Variants in STPG2 observed in about 807,000 individuals in gnomAD.
STPG2 encodes the protein sperm-tail PG-rich repeat-containing protein 2.
A neutral mutation model predicts 54.2 loss-of-function variants in STPG2; 56 were observed. The observed-to-expected ratio is 1.03, with a 90% CI of 0.83 to 1.29. The LOEUF is 1.29. STPG2 is among the 50% of genes most tolerant of loss of function. The probability of loss-of-function intolerance (pLI) is 0.00; values close to 1 mark genes in which losing one functional copy is unlikely to be tolerated. For missense variants in STPG2, 596 were observed against 544.9 expected (o/e 1.09, Z -0.93); for synonymous variants, 200 against 181.8 (o/e 1.10, Z -0.81).
chr4:98,023,589 G>A (rs1176079229), intron 5 of STPG2, among the ~76,000 whole-genome samples: 1 of 152,190 alleles, frequency 6.6e-6, no homozygotes, highest in African/African-American at 2.4e-5. Context: ...AGTCTGCAGA[G>A]GTTACTGCTG....
intron 4 of STPG2, among the ~76,000 whole-genome samples, chr4:97,520,882 G>A (rs114098917): frequency 6.6e-6 from 1 of 151,802 alleles, no homozygotes; most frequent in South Asian, 2.1e-4. Flanking sequence ...GAGTTTGGGG[G>A]TTTTTTTGGT....
At chr4:97,662,860 G>C (rs534077955) in intron 10 of STPG2, among the ~76,000 whole-genome samples, 1 of 151,876 alleles carries the variant, frequency 6.6e-6, no homozygotes, top group South Asian at 2.1e-4. Flanking sequence ...TGGGTGACAG[G>C]ATCTGTACCC....
chr4:97,527,816 C>T (rs1312284405), intron 4 of STPG2, among the ~76,000 whole-genome samples: 1 of 152,140 alleles, frequency 6.6e-6, no homozygotes, highest in African/African-American at 2.4e-5. Flanking sequence ...AGTGTCTGTT[C>T]ATATCCTTCG....
chr4:97,822,085 G>A (rs1444612853), intron 9 of STPG2, among the ~76,000 whole-genome samples: 2 of 152,140 alleles, frequency 1.3e-5, no homozygotes, highest in African/African-American at 4.8e-5. Context: ...TTTATGCTCA[G>A]CTTCCCCTTT....
At chr4:98,134,312 T>C (rs774996414) in intron 2 of STPG2, 35 bp downstream of exon 2, 1 of 1,314,452 alleles carries the variant, frequency 7.6e-7, no homozygotes, top group Non-Finnish European at 1.0e-6. Flanking sequence ...GAAAACATGG[T>C]TTTATTAAGT....
intron 10 of STPG2, among the ~76,000 whole-genome samples, chr4:97,624,695 C>T (rs542476192): frequency 7.9e-5 from 12 of 152,228 alleles, no homozygotes; most frequent in Admixed American, 2.6e-4. Flanking sequence ...AATCTTTGCA[C>T]GTGCCAATGT....
intron 8 of STPG2, among the ~76,000 whole-genome samples, chr4:97,883,742 C>T (rs1730462806): frequency 6.6e-6 from 1 of 152,068 alleles, no homozygotes; most frequent in Non-Finnish European, 1.5e-5. Context: ...TAGACAGAAT[C>T]CAAGAGCTGG....
At chr4:97,824,132 T>C (rs933624083) in intron 9 of STPG2, among the ~76,000 whole-genome samples, 3 of 152,080 alleles carry the variant, frequency 2.0e-5, no homozygotes, top group African/African-American at 7.2e-5. Flanking sequence ...AAGGGGAAAT[T>C]TGAGAGTTGA....
intron 8 of STPG2, among the ~76,000 whole-genome samples, chr4:97,865,487 G>C (rs527493700): frequency 1.3e-5 from 2 of 152,278 alleles, no homozygotes; most frequent in South Asian, 4.1e-4. Flanking sequence ...TACACTGTTG[G>C]TGGGACTGTA....
intron 10 of STPG2, among the ~76,000 whole-genome samples, chr4:97,664,703 A>G (rs1722469191): frequency 6.6e-6 from 1 of 152,058 alleles, no homozygotes; most frequent in African/African-American, 2.4e-5. Context: ...TTACCTCAGT[A>G]TCTCCTATGA....
At chr4:97,615,099 G>A (rs933323151) in intron 10 of STPG2, among the ~76,000 whole-genome samples, 2 of 152,130 alleles carry the variant, frequency 1.3e-5, no homozygotes, top group Non-Finnish European at 1.5e-5. Flanking sequence ...AGCATTAATG[G>A]TTTCACCATT....
At chr4:97,670,152 T>C (rs1196452925) in intron 10 of STPG2, among the ~76,000 whole-genome samples, 1 of 152,144 alleles carries the variant, frequency 6.6e-6, no homozygotes, top group East Asian at 1.9e-4. Flanking sequence ...AGTTTCAATC[T>C]TAAGGATTCA....
chr4:98,022,500 A>T (rs1484387915), intron 5 of STPG2, among the ~76,000 whole-genome samples: 1 of 151,396 alleles, frequency 6.6e-6, no homozygotes, highest in African/African-American at 2.4e-5. Flanking sequence ...TGTGTCTTGG[A>T]GTTGCTCTTC....
At position 97,616,092 on chromosome 4, in the gene STPG2, A is replaced by ATATATATATATATATG. The variant is rs764342142; in HGVS notation, c.1321-56976_1321-56975insCATATATATATATATA. 8.3e-3 allele frequency among the ~76,000 whole-genome samples: 520 copies of ATATATATATATATATG among 62,880 alleles called. 4 individuals are homozygous for ATATATATATATATATG. The highest frequency in any genetic ancestry group is 0.013 in the Non-Finnish European group (374 of 28,236). The allele number at this position is 62,880 out of a possible 152,430, so 41.3% of individuals were successfully genotyped here. A position where few individuals can be genotyped will look rare whatever the true frequency, so the allele number is the denominator to read the frequency against. ...TATATATATATATATATATATATATATATGTATGTATATTTAATAGTAAGA... is the reference window on the plus strand; with the variant it reads ...TATATATATATATATATATATATATATATATATATATATATGTATGTATGTATATTTAATAGTAAGA... On this transcript the variant is annotated intron_variant, in intron 10 of 10. Transcript: ENST00000295268.
chr4:97,500,588 A>G (rs1350063669), intron 4 of STPG2, among the ~76,000 whole-genome samples: 2 of 152,096 alleles, frequency 1.3e-5, no homozygotes, highest in Non-Finnish European at 2.9e-5. Context: ...AGAGCATTAC[A>G]GCTTTAATAA....
chr4:97,789,422 A>G (rs1237485960), intron 9 of STPG2, among the ~76,000 whole-genome samples: 1 of 152,094 alleles, frequency 6.6e-6, no homozygotes, highest in African/African-American at 2.4e-5. Context: ...CAAACATAAA[A>G]AAGTTAAGAG....
At chr4:98,120,974 C>A (rs372799508) in intron 3 of STPG2, among the ~76,000 whole-genome samples, 4 of 152,108 alleles carry the variant, frequency 2.6e-5, no homozygotes, top group South Asian at 4.1e-4. Flanking sequence ...GAAATTTTTG[C>A]CTGTGCCTAT....
At chr4:97,851,742 A>G (rs768186213) in intron 8 of STPG2, among the ~76,000 whole-genome samples, 4 of 152,304 alleles carry the variant, frequency 2.6e-5, no homozygotes, top group South Asian at 2.1e-4. Context: ...ATTTAATGTG[A>G]GATGCATTTT....
chr4:97,867,076 T>C (rs1371500144), intron 8 of STPG2, among the ~76,000 whole-genome samples: 1 of 151,944 alleles, frequency 6.6e-6, no homozygotes, highest in Non-Finnish European at 1.5e-5. Context: ...TTTGGGTGCA[T>C]TCCTGAAAGT....
Sources: gnomAD v4.1 joint callset for allele counts (sites outside exome capture counted in the v4.1 genomes callset) on GRCh38, gnomAD v4.1.1 for gene constraint, MANE v1.5 for transcripts, NCBI Gene and HGNC (gene_info 2026-07-23, HGNC 2026-07-21) for gene names.